N4BP2L2: variants seen among roughly 807,000 people sequenced by gnomAD.
N4BP2L2 encodes NEDD4 binding protein 2 like 2.
Under a neutral mutation model 56.2 loss-of-function variants are expected in N4BP2L2, and 50 were observed. That is an observed-to-expected ratio of 0.89 (90% CI 0.71 to 1.13). N4BP2L2 has a LOEUF of 1.13. Ranked by LOEUF, N4BP2L2 falls within the 50% of genes most tolerant of loss-of-function variation. N4BP2L2 has a pLI of 0.00. For missense variants in N4BP2L2, 689 were observed against 693.8 expected (o/e 0.99, Z 0.08); for synonymous variants, 203 against 223.6 (o/e 0.91, Z 0.82).
intron 6 of N4BP2L2, among the ~76,000 whole-genome samples, chr13:32,473,275 C>T (rs1322497190): frequency 6.7e-6 from 1 of 149,420 alleles, no homozygotes; most frequent in Non-Finnish European, 1.5e-5. Context: ...GAAGGAGACT[C>T]CGTCTCAAAA....
intron 9 of N4BP2L2, among the ~76,000 whole-genome samples, chr13:32,433,332 T>G (rs2075043703): frequency 6.6e-6 from 1 of 152,240 alleles, no homozygotes; most frequent in African/African-American, 2.4e-5. Context: ...CAGAGAGCAT[T>G]TCAAAGGCAA....
chr13:32,462,861 TAAAAAAAAAAAAAAA>T (rs569068082), intron 6 of N4BP2L2, among the ~76,000 whole-genome samples: 1 of 51,092 alleles, frequency 2.0e-5, no homozygotes, highest in Admixed American at 3.3e-4. Context: ...CTGTCTTTAC[TAAAAAAAAAAAAAAA>T]AAAAAAAAAA....
At chr13:32,494,109 T>TAAAAATAAAA (rs1015259608) in intron 6 of N4BP2L2, among the ~76,000 whole-genome samples, 9 of 151,540 alleles carry the variant, frequency 5.9e-5, no homozygotes, top group African/African-American at 1.9e-4. Context: ...CCATGTCTAC[T>TAAAAATAAAA]AAAAATAAAA....
chr13:32,478,237 TG>T (rs2083768558), intron 6 of N4BP2L2: 1 of 358,600 alleles, frequency 2.8e-6, no homozygotes, highest in South Asian at 2.6e-5. Context: ...CCACTGCAGG[TG>T]TAATTTACGG....
exon 7 of N4BP2L2, chr13:32,442,406 A>C (rs1484188518): frequency 3.1e-6 from 5 of 1,592,630 alleles, no homozygotes; most frequent in Non-Finnish European, 4.3e-6. Flanking sequence ...ACGCCTGGAG[A>C]TCCAAAAAGC....
intron 5 of N4BP2L2, among the ~76,000 whole-genome samples, chr13:32,519,571 G>T (rs542762670): frequency 6.6e-6 from 1 of 152,026 alleles, no homozygotes; most frequent in Non-Finnish European, 1.5e-5. Context: ...CAGGGGAATC[G>T]CTTGAACCTG....
intron 6 of N4BP2L2, among the ~76,000 whole-genome samples, chr13:32,469,577 C>A (rs892027958): frequency 6.6e-6 from 1 of 152,158 alleles, no homozygotes; most frequent in African/African-American, 2.4e-5. Context: ...GCCTAGGGAC[C>A]CCCACCCCCA....
chr13:32,538,273 G>A (rs1400433855), intron 1 of N4BP2L2, among the ~76,000 whole-genome samples: 1 of 151,090 alleles, frequency 6.6e-6, no homozygotes, highest in South Asian at 2.1e-4. Flanking sequence ...AACGCCAAAA[G>A]GCCTCCTCTC....
At chr13:32,500,440 C>T (rs558178752) in intron 6 of N4BP2L2, among the ~76,000 whole-genome samples, 1 of 150,206 alleles carries the variant, frequency 6.7e-6, no homozygotes, top group South Asian at 2.1e-4. Context: ...ACTAAAAATT[C>T]AGAATATGTC....
chr13:32,491,929 C>T (rs1340711812), intron 6 of N4BP2L2, among the ~76,000 whole-genome samples: 1 of 151,488 alleles, frequency 6.6e-6, no homozygotes, highest in Admixed American at 6.6e-5. Flanking sequence ...CGCACCCGGC[C>T]GAAAAAAGTA....
At chr13:32,516,347 C>A (rs544060417) in exon 6 of N4BP2L2, 2 of 152,262 alleles carry the variant, frequency 1.3e-5, no homozygotes, top group South Asian at 4.1e-4. Context: ...CAAATATATA[C>A]AAACACACGT....
At chr13:32,502,935 G>C (rs2090268466) in intron 6 of N4BP2L2, among the ~76,000 whole-genome samples, 4 of 152,080 alleles carry the variant, frequency 2.6e-5, no homozygotes, top group Non-Finnish European at 4.4e-5. Flanking sequence ...CACTTTGGGA[G>C]GCCGAGGTGG....
intron 2 of N4BP2L2, among the ~76,000 whole-genome samples, chr13:32,532,164 T>C (rs1304924563): frequency 6.6e-6 from 1 of 152,236 alleles, no homozygotes; most frequent in Non-Finnish European, 1.5e-5. Context: ...GCACAGGTTT[T>C]AGGGATTAAA....
chr13:32,492,555 G>A, intron 6 of N4BP2L2, among the ~76,000 whole-genome samples: 1 of 151,972 alleles, frequency 6.6e-6, no homozygotes, highest in Admixed American at 6.6e-5. Context: ...GCTTGAAAAG[G>A]ATATTAATAC....
intron 6 of N4BP2L2, among the ~76,000 whole-genome samples, chr13:32,476,322 G>A (rs1331467980): frequency 6.6e-6 from 1 of 152,186 alleles, no homozygotes; most frequent in East Asian, 1.9e-4. Context: ...ATAAAGCTGA[G>A]ACCTCAAATG....
chr13:32,458,699 A>G (rs1232208351), intron 6 of N4BP2L2, among the ~76,000 whole-genome samples: 1 of 152,204 alleles, frequency 6.6e-6, no homozygotes, highest in African/African-American at 2.4e-5. Flanking sequence ...ATAGTTGGGG[A>G]CTTCAACATT....
At chr13:32,444,207 G>A (rs2076694117) in intron 6 of N4BP2L2, 1 of 1,098,584 alleles carries the variant, frequency 9.1e-7, no homozygotes, top group Admixed American at 3.5e-5. Flanking sequence ...TACTCTTCAT[G>A]TGCAGGTTTA....
intron 6 of N4BP2L2, among the ~76,000 whole-genome samples, chr13:32,502,031 C>T (rs1204062484): frequency 2.0e-5 from 3 of 149,900 alleles, no homozygotes; most frequent in East Asian, 2.0e-4. Flanking sequence ...TGAAAAAAAT[C>T]AAACTTTATC....
intron 9 of N4BP2L2, among the ~76,000 whole-genome samples, chr13:32,436,028 C>T (rs569030038): frequency 6.6e-6 from 1 of 152,352 alleles, no homozygotes; most frequent in East Asian, 1.9e-4. Context: ...ACCCCTAATT[C>T]CCAGCCCTCA....
Sources: allele counts gnomAD v4.1 joint callset (sites outside exome capture counted in the v4.1 genomes callset), GRCh38; gene constraint gnomAD v4.1.1; transcripts MANE v1.5; gene names NCBI Gene and HGNC (gene_info 2026-07-23, HGNC 2026-07-21).